The following ARHGAP24 variants were observed in gnomAD, a reference collection of about 807,000 sequenced individuals.
ARHGAP24 encodes the protein rho GTPase-activating protein 24.
In ARHGAP24, 50 loss-of-function variants were observed where a neutral mutation model predicts 76.4. The ratio of observed to expected loss-of-function variants is 0.65; its 90% CI spans 0.52 to 0.83. ARHGAP24 has a LOEUF of 0.83. ARHGAP24 is among the 40% of genes least tolerant of loss of function. The pLI, the probability that ARHGAP24 is intolerant of heterozygous loss-of-function variation, is 0.00. For synonymous variants in ARHGAP24, 345 were observed against 323.3 expected, an observed-to-expected ratio of 1.07 and a Z score of -0.72; for missense variants, 930 against 914.2, an observed-to-expected ratio of 1.02 and a Z score of -0.22.
chr4:85,872,151 G>A (rs2110192373), intron 3 of ARHGAP24, among the ~76,000 whole-genome samples: 1 of 151,866 alleles, frequency 6.6e-6, no homozygotes, highest in Non-Finnish European at 1.5e-5. Context: ...TTTGATTACA[G>A]CCTAGTGACC....
In ARHGAP24 at chr4:85,912,502, T is replaced by A. The variant is rs1452236518; in HGVS notation, c.269-11146T>A. Among the ~76,000 whole-genome samples the A allele has an allele frequency of 2.6e-5, 4 of 152,206 alleles. No individual in the cohort carries two copies. The South Asian group carries it at 8.3e-4, about 31-fold the overall frequency. ...AGAGTTTTTCTTATTTTTACACTAC[T>A]ACAATAATCAGTAGCTGTCATTTGC... is the stretch of plus-strand genomic sequence containing the variant. On this transcript the variant is annotated intron_variant, in intron 3 of 9. Coordinates refer to ENST00000395184, the MANE Select transcript of ARHGAP24 (RefSeq NM_001025616.3).
At position 85,721,880 on chromosome 4, in the gene ARHGAP24, C is replaced by G. The variant is rs765281093; in HGVS notation, c.181-5C>G. 17 of 1,612,542 alleles carry G rather than the reference C, an allele frequency of 1.1e-5. No homozygotes were observed. The South Asian group carries it at 1.5e-4, about 15-fold the overall frequency. On this transcript the variant is annotated splice_polypyrimidine_tract_variant and splice_region_variant and intron_variant, in intron 2 of 9. Transcript: ENST00000395184. ...TGTTGATGTTTTGGGTATTTGTTTT[C>G]ACAGGGTACTATTTTTCTGCCTGGA... is the stretch of plus-strand genomic sequence containing the variant.
chr4:85,827,869 G>T, intron 3 of ARHGAP24: 1 of 1,281,472 alleles, frequency 7.8e-7, no homozygotes, highest in Non-Finnish European at 1.0e-6. Flanking sequence ...CCTGAGTTGG[G>T]CTCGAATGTG....
At chr4:85,886,566 A>G (rs529194774) in intron 3 of ARHGAP24, among the ~76,000 whole-genome samples, 1 of 152,168 alleles carries the variant, frequency 6.6e-6, no homozygotes, top group Non-Finnish European at 1.5e-5. Context: ...TACGGAGAGA[A>G]AGGGAATGAT....
At position 85,739,614 on chromosome 4, in the gene ARHGAP24, C is replaced by CT. The variant is rs1185155863; in HGVS notation, c.268+17672dup. ...ATATCGTGAAAACTCCACGTTCAAT[C>CT]TTTTTTTTTTTTTTTTTTTTTTTTT... On this transcript the variant is annotated intron_variant, in intron 3 of 9. Coordinates refer to ENST00000395184, the MANE Select transcript of ARHGAP24 (RefSeq NM_001025616.3). Among the ~76,000 whole-genome samples, 51 of 7,476 alleles carry CT rather than the reference C, an allele frequency of 6.8e-3. 17 individuals are homozygous for CT. Among genetic ancestry groups the CT allele is most frequent in the Non-Finnish European group, 0.015 (1 of 66 alleles). The allele number at this position is 7,476 out of a possible 152,430, so 4.9% of individuals were successfully genotyped here. A position where few individuals can be genotyped will look rare whatever the true frequency, so the allele number is the denominator to read the frequency against.
chr4:85,647,739 A>G, intron 2 of ARHGAP24, among the ~76,000 whole-genome samples: 1 of 152,128 alleles, frequency 6.6e-6, no homozygotes, highest in East Asian at 1.9e-4. Flanking sequence ...GTCAAACATC[A>G]GTGGTCTTTG....
chr4:85,733,269 T>G (rs943238391), intron 3 of ARHGAP24, among the ~76,000 whole-genome samples: 6 of 149,662 alleles, frequency 4.0e-5, no homozygotes, highest in African/African-American at 1.5e-4. Flanking sequence ...TTCACTGTGT[T>G]AGTCAGGATG....
intron 2 of ARHGAP24, among the ~76,000 whole-genome samples, chr4:85,655,278 C>T (rs572317481): frequency 6.6e-6 from 1 of 152,178 alleles, no homozygotes; most frequent in Middle Eastern, 3.4e-3. Context: ...ACTCTGGAAT[C>T]TGATAAACAT....
At chr4:85,901,983 A>G (rs995645377) in intron 3 of ARHGAP24, among the ~76,000 whole-genome samples, 33 of 149,386 alleles carry the variant, frequency 2.2e-4, no homozygotes, top group African/African-American at 7.4e-4. Context: ...CTTGCACTCC[A>G]CCCCCCAACA....
intron 2 of ARHGAP24, among the ~76,000 whole-genome samples, chr4:85,655,510 CGGT>C (rs1403920122): frequency 7.9e-6 from 1 of 126,958 alleles, no homozygotes; most frequent in Non-Finnish European, 1.6e-5. Flanking sequence ...GGGCCAGGCA[CGGT>C]GGCCATGCCT....
At chr4:85,802,282 C>T (rs1423150052) in intron 3 of ARHGAP24, among the ~76,000 whole-genome samples, 1 of 152,076 alleles carries the variant, frequency 6.6e-6, no homozygotes, top group Middle Eastern at 3.2e-3. Flanking sequence ...ATATGACCCA[C>T]CTATATAAAA....
At chr4:85,699,078 T>C (rs1263061993) in intron 2 of ARHGAP24, among the ~76,000 whole-genome samples, 1 of 152,208 alleles carries the variant, frequency 6.6e-6, no homozygotes, top group Non-Finnish European at 1.5e-5. Flanking sequence ...ATATGAATTC[T>C]GGGGAGACAC....
chr4:85,491,323 T>G (rs1723348841), intron 1 of ARHGAP24, among the ~76,000 whole-genome samples: 1 of 152,202 alleles, frequency 6.6e-6, no homozygotes, highest in Non-Finnish European at 1.5e-5. Flanking sequence ...AATAACAATT[T>G]TGTTATCTCT....
chr4:85,656,612 C>T (rs1229311083), intron 2 of ARHGAP24, among the ~76,000 whole-genome samples: 5 of 152,080 alleles, frequency 3.3e-5, no homozygotes, highest in African/African-American at 9.6e-5. Flanking sequence ...GGATTACAAG[C>T]GTGTGGCACC....
At chr4:85,634,258 A>C (rs1244507273) in intron 2 of ARHGAP24, among the ~76,000 whole-genome samples, 1 of 151,906 alleles carries the variant, frequency 6.6e-6, no homozygotes, top group Non-Finnish European at 1.5e-5. Flanking sequence ...TATTCCATAG[A>C]ATTCCTCAGT....
At chr4:85,709,987 A>T (rs891892683) in intron 2 of ARHGAP24, among the ~76,000 whole-genome samples, 4 of 152,180 alleles carry the variant, frequency 2.6e-5, no homozygotes, top group Non-Finnish European at 5.9e-5. Flanking sequence ...ATTACCAATG[A>T]CATTCTTCTC....
intron 4 of ARHGAP24, among the ~76,000 whole-genome samples, chr4:85,937,890 G>A (rs1736738042): frequency 4.6e-5 from 7 of 152,184 alleles, no homozygotes; most frequent in Admixed American, 4.6e-4. Flanking sequence ...GGGAATTGAG[G>A]AGCAAAGAGA....
chr4:85,571,368 C>T (rs1030570488), intron 2 of ARHGAP24, among the ~76,000 whole-genome samples: 8 of 152,222 alleles, frequency 5.3e-5, no homozygotes, highest in African/African-American at 1.9e-4. Flanking sequence ...ATCTGCATTT[C>T]CATAGTTGCA....
intron 3 of ARHGAP24, among the ~76,000 whole-genome samples, chr4:85,784,366 C>T (rs1374558550): frequency 6.6e-6 from 1 of 151,576 alleles, no homozygotes; most frequent in African/African-American, 2.4e-5. Context: ...GTTTCAGTGT[C>T]TGTGTTTATT....
Sources: gnomAD v4.1 joint callset for allele counts (sites outside exome capture counted in the v4.1 genomes callset) on GRCh38, gnomAD v4.1.1 for gene constraint, MANE v1.5 for transcripts, NCBI Gene and HGNC (gene_info 2026-07-23, HGNC 2026-07-21) for gene names.